RAB37: variants seen among roughly 807,000 people sequenced by gnomAD.
The protein encoded by RAB37 is RAB37, member RAS oncogene family.
A neutral mutation model predicts 33.1 loss-of-function variants in RAB37; 29 were observed. That is an observed-to-expected ratio of 0.88 (90% CI 0.65 to 1.20). The LOEUF is 1.20. Among genes scored for constraint, RAB37 ranks in the 50% most tolerant of loss-of-function variants. The pLI, the probability that RAB37 is intolerant of heterozygous loss-of-function variation, is 0.00. For synonymous variants in RAB37, 128 were observed against 119.5 expected (o/e 1.07, Z -0.47); for missense variants, 299 against 301.1 (o/e 0.99, Z 0.05).
Position 74,743,271 on chromosome 17 carries a change from G to A in RAB37, c.314-17G>A, listed in dbSNP as rs1300891215. ...GTGCTGCTGCCTAAGTCCCCTCTGT[G>A]ATCCTCTCCCCTCCAGCCTTGCTTC... On this transcript the variant is annotated splice_polypyrimidine_tract_variant and intron_variant, in intron 4 of 8. Coordinates refer to ENST00000392613, the MANE Select transcript of RAB37 (RefSeq NM_001006638.3). 6.2e-7 allele frequency: 1 copy of A among 1,613,936 alleles called. No individual in the cohort carries two copies. Among genetic ancestry groups the A allele is most frequent in the East Asian group, 2.2e-5 (1 of 44,888 alleles).
intron 1 of RAB37, chr17:74,698,317 A>T: frequency 7.7e-7 from 1 of 1,292,080 alleles, no homozygotes; most frequent in Non-Finnish European, 1.1e-6. Flanking sequence ...CAGATGCCAC[A>T]TCCCCAGCCA....
chr17:74,695,725 C>T (rs2032391255), intron 1 of RAB37: 2 of 1,614,000 alleles, frequency 1.2e-6, no homozygotes, highest in South Asian at 1.1e-5. Flanking sequence ...GAGGACGCAC[C>T]ATGGTGACAT....
rs181865707 is a variant in RAB37 at position 74,671,796 on chromosome 17, T to A, written c.72+138T>A. On this transcript the variant is annotated intron_variant, in intron 1 of 7. Coordinates refer to the RAB37 transcript ENST00000340415. This position sits in a 1 kb window ranked among gnomAD's most constrained non-coding sequence, Gnocchi z 5.0. Reference sequence around the variant, plus strand: ...GTGAGTCTGGGGAGCCCTTTCTGTCTGATCCTGTTTCCTGCTCAAAACAGA... The same window carrying A: ...GTGAGTCTGGGGAGCCCTTTCTGTCAGATCCTGTTTCCTGCTCAAAACAGA... 3.0e-5 allele frequency: 22 copies of A among 737,726 alleles called. No individual in the cohort carries two copies. The Admixed American group carries it at 3.7e-4, about 12-fold the overall frequency. 45.7% of individuals were successfully genotyped at this position (737,726 alleles called of 1,614,324 possible). A position where few individuals can be genotyped will look rare whatever the true frequency, so the allele number is the denominator to read the frequency against.
At chr17:74,680,290 G>A (rs1013970636) in intron 1 of RAB37, among the ~76,000 whole-genome samples, 1 of 152,032 alleles carries the variant, frequency 6.6e-6, no homozygotes, top group East Asian at 1.9e-4. Context: ...GTCACAGATG[G>A]TCACTACTTT....
chr17:74,683,032 T>C (rs1182556804), intron 1 of RAB37, among the ~76,000 whole-genome samples: 1 of 152,218 alleles, frequency 6.6e-6, no homozygotes, highest in African/African-American at 2.4e-5. Context: ...CATTTTCAAA[T>C]CTTTAATGAG....
At chr17:74,704,815 G>A (rs571004658) in intron 1 of RAB37, 1 of 1,608,344 alleles carries the variant, frequency 6.2e-7, no homozygotes, top group Non-Finnish European at 8.5e-7. Context: ...CAATGGAGTA[G>A]CCTGGAAAAC....
At position 74,704,612 on chromosome 17, in the gene RAB37, T is replaced by C. The variant is rs976339773; in HGVS notation, c.73-24644T>C. ...GAACGTGCGGTTTTTCTGATTGTCC[T>C]TGATGGACACCCGGTCCCTCTTCAC... On this transcript the variant is annotated intron_variant, in intron 1 of 7. Coordinates refer to the RAB37 transcript ENST00000340415. The C allele has an allele frequency of 7.4e-6, 12 of 1,614,122 alleles. No individual in the cohort carries two copies. Among genetic ancestry groups the C allele is most frequent in the Non-Finnish European group, 1.0e-5 (12 of 1,180,050 alleles).
rs372786583 is a variant in RAB37, at chr17:74,745,260, C to CCCCAGCCCAG, written c.567-26_567-17dup. ...GGGGAGGGGGCGGCTCAGCTCCTCA[C>CCCCAGCCCAG]CCCAGCCCAGCCCAGCCCAGCCCAG... On this transcript the variant is annotated intron_variant, in intron 8 of 8. Coordinates refer to ENST00000392613, the MANE Select transcript of RAB37 (RefSeq NM_001006638.3). This position sits in a 1 kb window ranked among gnomAD's most constrained non-coding sequence, Gnocchi z 4.5. 1.6e-5 allele frequency: 25 copies of CCCCAGCCCAG among 1,583,732 alleles called. No homozygotes were observed. The highest frequency in any genetic ancestry group is 1.3e-4 in the South Asian group (12 of 90,422).
upstream of RAB37, chr17:74,737,198 G>T: frequency 6.5e-7 from 1 of 1,531,430 alleles, no homozygotes. Context: ...GGAGGAGTGG[G>T]CGGGGCGGGG....
At chr17:74,741,351 G>A (rs538583519) in intron 2 of RAB37, among the ~76,000 whole-genome samples, 31 of 152,204 alleles carry the variant, frequency 2.0e-4, no homozygotes, top group African/African-American at 6.7e-4. Flanking sequence ...ACTTTGGGAG[G>A]CCGAAGCGGT....
chr17:74,737,070 C>T (rs1289615646), upstream of RAB37: 1 of 1,608,322 alleles, frequency 6.2e-7, no homozygotes, highest in Non-Finnish European at 8.5e-7. Context: ...GGCTGCCCGC[C>T]CCTTCACGCA....
chr17:74,714,503 G>T (rs952292260), intron 1 of RAB37, among the ~76,000 whole-genome samples: 2 of 151,888 alleles, frequency 1.3e-5, no homozygotes, highest in Non-Finnish European at 2.9e-5. Context: ...GACAAGAGGC[G>T]CTTTGTCCTG....
intron 1 of RAB37, among the ~76,000 whole-genome samples, chr17:74,689,032 T>G (rs2032108087): frequency 6.6e-6 from 1 of 152,238 alleles, no homozygotes; most frequent in South Asian, 2.1e-4. Context: ...CTTGGCGCAG[T>G]GGCTCAAACC....
chr17:74,704,473 C>T (rs201978912), intron 1 of RAB37: 59 of 1,603,994 alleles, frequency 3.7e-5, no homozygotes, highest in Non-Finnish European at 4.7e-5. Context: ...TACACTCCCT[C>T]TTACCTGGGT....
rs1289239549 is a variant in RAB37, at chr17:74,730,106, C to A, written c.183+740C>A. The stretch of plus-strand genomic sequence containing the variant: ...ATCTCCCCGCGTTGTCCCGTGCCTG[C>A]GGCTGCAGCTGCCCTTGAATTCCTG... On this transcript the variant is annotated intron_variant, in intron 2 of 7. Coordinates refer to the RAB37 transcript ENST00000340415. This position sits in a 1 kb window ranked among gnomAD's most constrained non-coding sequence, Gnocchi z 4.4. 3.3e-5 allele frequency among the ~76,000 whole-genome samples: 5 copies of A among 152,194 alleles called. No individual in the cohort carries two copies. Among genetic ancestry groups the A allele is most frequent in the Non-Finnish European group, 2.9e-5 (2 of 68,024 alleles).
chr17:74,745,575 C>T lies in RAB37; in HGVS notation c.*164C>T. 1 of 609,752 alleles carries T rather than the reference C, an allele frequency of 1.6e-6. No homozygotes were observed. Among genetic ancestry groups the T allele is most frequent in the Non-Finnish European group, 2.9e-6 (1 of 339,762 alleles). 37.8% of individuals were successfully genotyped at this position (609,752 alleles called of 1,614,324 possible). ...CTATACTCCAACTCCTACTTGAGTT[C>T]CTGCGGTCTCCCCGCATCCACAGGG... On this transcript the variant is annotated 3_prime_UTR_variant, in exon 9 of 9. Transcript: ENST00000392613. This position sits in a 1 kb window ranked among gnomAD's most constrained non-coding sequence, Gnocchi z 4.5.
chr17:74,732,843 C>T (rs1356856200), upstream of RAB37, among the ~76,000 whole-genome samples: 1 of 404 alleles, frequency 2.5e-3, no homozygotes, highest in Non-Finnish European at 8.9e-3. Flanking sequence ...CAGGTGTACA[C>T]AAGAGCCCCC....
rs552767579 is a variant in RAB37, at chr17:74,744,500, G to C, written c.432+127G>C. The stretch of plus-strand genomic sequence containing the variant: ...AGGACTCTGCAGCCTCCAGCTCAGG[G>C]GTCAGACATATCTGGAGGCTTCTGC... On this transcript the variant is annotated intron_variant, in intron 6 of 8. Coordinates refer to ENST00000392613, the MANE Select transcript of RAB37 (RefSeq NM_001006638.3). The surrounding 1 kb of genome is among the most constrained non-coding windows in gnomAD (Gnocchi z 4.2). 2 of 880,264 alleles carry C rather than the reference G, an allele frequency of 2.3e-6. No homozygotes were observed. The highest frequency in any genetic ancestry group is 1.4e-5 in the South Asian group (1 of 69,888). 54.5% of individuals were successfully genotyped at this position (880,264 alleles called of 1,614,324 possible).
At chr17:74,688,833 G>A (rs892983091) in intron 1 of RAB37, among the ~76,000 whole-genome samples, 1 of 152,156 alleles carries the variant, frequency 6.6e-6, no homozygotes, top group Admixed American at 6.5e-5. Context: ...CTTGCTTCAT[G>A]TTAAAGAAAC....
Sources: gnomAD v4.1 joint callset for allele counts (sites outside exome capture counted in the v4.1 genomes callset) on GRCh38, gnomAD v4.1.1 for gene constraint, Gnocchi (gnomAD v3.1) non-coding constraint, MANE v1.5 for transcripts, NCBI Gene and HGNC (gene_info 2026-07-23, HGNC 2026-07-21) for gene names.